CTDP1: variants seen among roughly 807,000 people sequenced by gnomAD.
The protein encoded by CTDP1 is RNA polymerase II subunit A C-terminal domain phosphatase.
Under a neutral mutation model 91.8 loss-of-function variants are expected in CTDP1, and 47 were observed. That is an observed-to-expected ratio of 0.51 (90% CI 0.41 to 0.65). The LOEUF is 0.65. Among genes scored for constraint, CTDP1 ranks in the 30% least tolerant of loss-of-function variants. The probability of loss-of-function intolerance (pLI) is 0.00; values close to 1 mark genes in which losing one functional copy is unlikely to be tolerated. For missense variants in CTDP1, 1,272 were observed against 1,373.7 expected (o/e 0.93, Z 1.17); for synonymous variants, 656 against 598.5 (o/e 1.10, Z -1.40).
intron 11 of CTDP1, among the ~76,000 whole-genome samples, chr18:79,732,054 G>A (rs973249437): frequency 1.3e-5 from 2 of 148,350 alleles, no homozygotes; most frequent in African/African-American, 5.1e-5. Context: ...ACATAGACAT[G>A]AGAACTCGCT....
rs945784729 is a variant in CTDP1, at chr18:79,717,967, C to G, written c.2368C>G (p.Pro790Ala). 10 of 1,613,392 alleles carry G rather than the reference C, an allele frequency of 6.2e-6. No individual in the cohort carries two copies. Among genetic ancestry groups the G allele is most frequent in the African/African-American group, 1.3e-5 (1 of 74,940 alleles). ...KLIRTGARGP[P>A]APSSSLPIRQ... ...CATCAGGACGGGCGCCCGGGGGCCC[C>G]CAGCACCCTCCAGCTCCCTACCCAT... The change falls in exon 10 of 13, where the codon CCA (proline) becomes GCA (alanine). Residue 790 changes from proline (P) to alanine (A), a missense_variant. By Grantham distance (27) the Pro-to-Ala change is conservative. This residue lies in a region of CTDP1 where 881 missense variants were observed against 911.6 expected (regional missense o/e 0.97). Coordinates refer to ENST00000613122, the MANE Select transcript of CTDP1 (RefSeq NM_004715.5).
chr18:79,750,668 C>CTTTT (rs749153854), intron 12 of CTDP1, among the ~76,000 whole-genome samples: 2 of 94,226 alleles, frequency 2.1e-5, no homozygotes, highest in Non-Finnish European at 4.2e-5. Context: ...TAATTTTTTG[C>CTTTT]TTTTTTTTTT....
At chr18:79,700,207 G>A (rs762958363) in intron 4 of CTDP1, among the ~76,000 whole-genome samples, 1 of 152,148 alleles carries the variant, frequency 6.6e-6, no homozygotes, top group African/African-American at 2.4e-5. Flanking sequence ...TGTTCAAGTG[G>A]GAGGAAGGCT....
intron 1 of CTDP1, among the ~76,000 whole-genome samples, chr18:79,683,748 G>A (rs552114487): frequency 6.6e-6 from 1 of 152,322 alleles, no homozygotes; most frequent in African/African-American, 2.4e-5. Context: ...CCTTGGTGAG[G>A]GGCCTTTGGA....
rs575631264 is a variant in CTDP1 at position 79,749,557 on chromosome 18, A to G, written c.2748-4095A>G. Among the ~76,000 whole-genome samples, 377 of 149,758 alleles carry G rather than the reference A, an allele frequency of 2.5e-3. 1 individual carries two copies. Among genetic ancestry groups the G allele is most frequent in the African/African-American group, 9.0e-3 (364 of 40,564 alleles). The stretch of plus-strand genomic sequence containing the variant: ...CCTCCTGGACTTGGTGACCGTCCCG[A>G]GCTCGACCTGAGAGGGCACTTCGGC... On this transcript the variant is annotated intron_variant, in intron 12 of 12. Transcript: ENST00000613122.
At chr18:79,739,406 T>G (rs529053409) in intron 12 of CTDP1, among the ~76,000 whole-genome samples, 5 of 142,132 alleles carry the variant, frequency 3.5e-5, no homozygotes, top group African/African-American at 7.7e-5. Context: ...GTTTTTGTGG[T>G]TTTTTTTTTT....
chr18:79,721,612 A>G (rs72976122), intron 10 of CTDP1, among the ~76,000 whole-genome samples: 3 of 152,224 alleles, frequency 2.0e-5, no homozygotes, highest in Non-Finnish European at 2.9e-5. Flanking sequence ...TAAAATATCC[A>G]GGGGGGTGGC....
At position 79,732,475 on chromosome 18, in the gene CTDP1, T is replaced by C. The variant is rs62097749; in HGVS notation, c.2580+3406T>C. ...CATCAGGAGTGCTCCCAAAATCACG[T>C]GAGACATGAGAACTCACATCAGGAG... On this transcript the variant is annotated intron_variant, in intron 11 of 12. Transcript: ENST00000613122. 1.5e-4 allele frequency among the ~76,000 whole-genome samples: 5 copies of C among 34,070 alleles called. 1 individual carries two copies. The highest frequency in any genetic ancestry group is 3.4e-4 in the Non-Finnish European group (5 of 14,666). 22.4% of individuals were successfully genotyped at this position (34,070 alleles called of 152,430 possible).
At chr18:79,739,680 C>G (rs62099605) in intron 12 of CTDP1, among the ~76,000 whole-genome samples, 28,335 of 152,168 alleles carry the variant, frequency 0.19, 3,540 homozygotes, top group Non-Finnish European at 0.26. Context: ...CTTACAGACT[C>G]GGTGGGCTTG....
chr18:79,679,579 C>A (rs1373446799), upstream of CTDP1: 1 of 468,096 alleles, frequency 2.1e-6, no homozygotes, highest in East Asian at 6.6e-5. Context: ...CGCGCCAAGA[C>A]CGTCACTGGG....
chr18:79,718,292 G>A (rs1284039604), intron 10 of CTDP1, among the ~76,000 whole-genome samples: 1 of 152,178 alleles, frequency 6.6e-6, no homozygotes, highest in Non-Finnish European at 1.5e-5. Flanking sequence ...ACCTGTGGCC[G>A]CCCCGCAGAG....
chr18:79,712,877 A>C, intron 6 of CTDP1, 95 bp from the exon 7 acceptor site: 1 of 1,346,164 alleles, frequency 7.4e-7, no homozygotes, highest in Non-Finnish European at 1.1e-6. Context: ...TGCTGGTTAC[A>C]TGTGGATTAG....
At chr18:79,704,716 G>A (rs1235027269) in intron 4 of CTDP1, 51 bp from the exon 5 acceptor site, 1 of 1,609,138 alleles carries the variant, frequency 6.2e-7, no homozygotes, top group East Asian at 2.2e-5. Flanking sequence ...TGCGGGGGCG[G>A]CCGGGGCTCC....
At position 79,715,261 on chromosome 18, in the gene CTDP1, C is replaced by T. The variant is rs201937277; in HGVS notation, c.1801C>T (p.His601Tyr). 1 of 1,610,598 alleles carries T rather than the reference C, an allele frequency of 6.2e-7. No individual in the cohort carries two copies. Among genetic ancestry groups the T allele is most frequent in the East Asian group, 2.2e-5 (1 of 44,746 alleles). Residue 601 changes from histidine (H) to tyrosine (Y), a missense_variant, in exon 8 of 13, where the codon CAC (histidine) becomes TAC (tyrosine). His to Tyr is a moderately conservative substitution (Grantham distance 83). This residue lies in a region of CTDP1 where 881 missense variants were observed against 911.6 expected (regional missense o/e 0.97). Transcript: ENST00000613122. ...IYLEEILVRV[H>Y]TDYYAKYDRY... ...CCTGGAGGAGATCCTGGTCCGTGTA[C>T]ACACTGACTACTATGCCAAGTATGA... is the stretch of plus-strand genomic sequence containing the variant.
intron 12 of CTDP1, among the ~76,000 whole-genome samples, chr18:79,743,297 G>A (rs913160557): frequency 2.0e-4 from 30 of 152,030 alleles, no homozygotes; most frequent in African/African-American, 6.3e-4. Context: ...AAGCTGAGGC[G>A]GGCGGATTGC....
Position 79,713,163 on chromosome 18 carries a change from C to G in CTDP1, c.1030+25C>G. 6.2e-7 allele frequency: 1 copy of G among 1,609,784 alleles called. No individual in the cohort carries two copies. The highest frequency in any genetic ancestry group is 1.3e-5 in the African/African-American group (1 of 74,864). ...GGTGGGTAACCTCCTTCCTGATTCT[C>G]TAGAAGAATTCACATTTGCTTATTG... On this transcript the variant is annotated intron_variant, in intron 7 of 12. Coordinates refer to ENST00000613122, the MANE Select transcript of CTDP1 (RefSeq NM_004715.5). The surrounding 1 kb of genome is among the most constrained non-coding windows in gnomAD (Gnocchi z 4.7).
chr18:79,681,451 A>G, intron 1 of CTDP1: 1 of 985,328 alleles, frequency 1.0e-6, no homozygotes, highest in Non-Finnish European at 1.2e-6. Context: ...CCCAGGATGG[A>G]AGATCCCTAC....
In CTDP1 at chr18:79,750,180, C is replaced by T. The variant is rs565502713; in HGVS notation, c.2748-3472C>T. ...GAAGCAGGTGCACAGAAAAGGTGCG[C>T]GGAGATTTTTTTTTTTTAAGACAGG... On this transcript the variant is annotated intron_variant, in intron 12 of 12. Coordinates refer to ENST00000613122, the MANE Select transcript of CTDP1 (RefSeq NM_004715.5). Among the ~76,000 whole-genome samples the T allele has an allele frequency of 1.1e-4, 17 of 152,038 alleles. 1 individual carries two copies. In the South Asian group the frequency reaches 2.3e-3, roughly 20 times the overall value.
upstream of CTDP1, among the ~76,000 whole-genome samples, chr18:79,676,772 G>A (rs907295413): frequency 6.6e-6 from 1 of 152,114 alleles, no homozygotes. Context: ...TGTGGCTTAT[G>A]CTATTTTTCC....
Sources: allele counts gnomAD v4.1 joint callset (sites outside exome capture counted in the v4.1 genomes callset), GRCh38; gene constraint gnomAD v4.1.1; regional missense constraint gnomAD v4.1.1; non-coding constraint Gnocchi (gnomAD v3.1); transcripts MANE v1.5; gene names NCBI Gene and HGNC (gene_info 2026-07-23, HGNC 2026-07-21).